Variants in LHX8 observed in about 807,000 individuals in gnomAD.
The protein encoded by LHX8 is LIM homeobox 8.
LHX8 carries 12 observed loss-of-function variants against 40.3 expected under a neutral mutation model. The ratio of observed to expected loss-of-function variants is 0.30; its 90% CI spans 0.19 to 0.48. The LOEUF (loss-of-function observed/expected upper bound fraction) is 0.48. LHX8 is among the 20% of genes least tolerant of loss of function. LHX8 has a pLI of 0.99. For missense variants in LHX8, 344 were observed against 433.7 expected (o/e 0.79, Z 1.84); for synonymous variants, 179 against 162.0 (o/e 1.10, Z -0.80).
At chr1:75,134,174 A>G (rs1407124961), upstream of LHX8, among the ~76,000 whole-genome samples, 1 of 151,860 alleles carries the variant, frequency 6.6e-6, no homozygotes, top group Non-Finnish European at 1.5e-5. Flanking sequence ...GACATCCCCC[A>G]ATTTTTTTTT....
At chr1:75,143,643 A>G (rs962282739) in intron 5 of LHX8, among the ~76,000 whole-genome samples, 10 of 152,114 alleles carry the variant, frequency 6.6e-5, no homozygotes, top group Non-Finnish European at 1.5e-4. Context: ...AACTTTTTGA[A>G]CTTTTCACTA....
intron 8 of LHX8, 64 bp downstream of exon 8, chr1:75,157,140 A>G: frequency 6.6e-7 from 1 of 1,509,430 alleles, no homozygotes; most frequent in Non-Finnish European, 9.2e-7. Context: ...TTCTAATATT[A>G]GATTATTGAT....
chr1:75,193,569 C>A, the LHX8 span, among the ~76,000 whole-genome samples: 1 of 152,180 alleles, frequency 6.6e-6, no homozygotes, highest in African/African-American at 2.4e-5. Flanking sequence ...CCGTTTTAAT[C>A]TAATTTTCGG....
chr1:75,157,551 G>A (rs1460492521), intron 8 of LHX8, among the ~76,000 whole-genome samples: 3 of 152,196 alleles, frequency 2.0e-5, no homozygotes, highest in Admixed American at 1.3e-4. Flanking sequence ...ATTGCCCAAA[G>A]TAGCAGATAT....
chr1:75,154,752 G>C (rs1648710474), intron 7 of LHX8, among the ~76,000 whole-genome samples: 1 of 152,164 alleles, frequency 6.6e-6, no homozygotes, highest in Admixed American at 6.5e-5. Context: ...CCAGAGAACA[G>C]GGATGTGGAG....
chr1:75,172,403 A>G, the LHX8 span, among the ~76,000 whole-genome samples: 2 of 152,222 alleles, frequency 1.3e-5, no homozygotes, highest in Non-Finnish European at 2.9e-5. Context: ...TTGTCCATCA[A>G]AAGTCTTTTG....
chr1:75,175,221 G>A, the LHX8 span, among the ~76,000 whole-genome samples: 2 of 152,190 alleles, frequency 1.3e-5, no homozygotes, highest in Non-Finnish European at 2.9e-5. Flanking sequence ...TGGGCATTAA[G>A]GCCGGTTCCA....
intron 5 of LHX8, among the ~76,000 whole-genome samples, chr1:75,143,609 G>C (rs1489838252): frequency 6.6e-6 from 1 of 152,110 alleles, no homozygotes; most frequent in African/African-American, 2.4e-5. Flanking sequence ...TCCTGTATTT[G>C]CTGGGCCTTA....
chr1:75,156,666 A>G (rs1185071033), intron 7 of LHX8, among the ~76,000 whole-genome samples: 1 of 152,242 alleles, frequency 6.6e-6, no homozygotes, highest in African/African-American at 2.4e-5. Context: ...ATTGGCTTTT[A>G]GGTAAATCAC....
In LHX8 at chr1:75,148,571, A is replaced by G. The variant is rs1176200105; in HGVS notation, c.685-16A>G. 3 of 1,584,914 alleles carry G rather than the reference A, an allele frequency of 1.9e-6. No individual in the cohort carries two copies. The highest frequency in any genetic ancestry group is 2.6e-6 in the Non-Finnish European group (3 of 1,153,736). Reference sequence around the variant, plus strand: ...TTGTTTTTAGCTATTTACTACATACATGTTTTAAACAACAGGTTATGCAAG... The same window carrying G: ...TTGTTTTTAGCTATTTACTACATACGTGTTTTAAACAACAGGTTATGCAAG... On this transcript the variant is annotated splice_polypyrimidine_tract_variant and intron_variant, in intron 6 of 8. Transcript: ENST00000356261.
chr1:75,156,775 TA>T lies in LHX8; in HGVS notation c.781-117del, dbSNP rs1191370041. On this transcript the variant is annotated intron_variant, in intron 7 of 8. Transcript: ENST00000356261. Reference sequence around the variant, plus strand: ...ACTTTTATAAAAGCTGAGTTACATTTATGCGGTGCTTGTGTGGTAGTGTGAT... The same window carrying T: ...ACTTTTATAAAAGCTGAGTTACATTTTGCGGTGCTTGTGTGGTAGTGTGAT... The T allele has an allele frequency of 1.4e-5, 13 of 905,642 alleles. No individual in the cohort carries two copies. The African/African-American group carries it at 1.6e-4, about 11-fold the overall frequency. The allele number at this position is 905,642 out of a possible 1,614,324, so 56.1% of individuals were successfully genotyped here. A position where few individuals can be genotyped will look rare whatever the true frequency, so the allele number is the denominator to read the frequency against.
intron 6 of LHX8, among the ~76,000 whole-genome samples, chr1:75,146,787 C>G (rs1047151100): frequency 5.9e-5 from 9 of 152,076 alleles, no homozygotes; most frequent in African/African-American, 9.7e-5. Flanking sequence ...TAGAATATTT[C>G]AATTCTAAAT....
At chr1:75,178,294 A>C in the LHX8 span, among the ~76,000 whole-genome samples, 1 of 152,220 alleles carries the variant, frequency 6.6e-6, no homozygotes, top group Non-Finnish European at 1.5e-5. Context: ...CTGTGAATCC[A>C]TCTGGTCCTG....
At chr1:75,190,255 T>G in the LHX8 span, among the ~76,000 whole-genome samples, 2 of 152,196 alleles carry the variant, frequency 1.3e-5, no homozygotes, top group African/African-American at 4.8e-5. Context: ...ACTTTTTTCT[T>G]TATAACCTAA....
intron 1 of LHX8, among the ~76,000 whole-genome samples, chr1:75,129,140 C>T (rs543667133): frequency 7.4e-4 from 113 of 152,334 alleles, no homozygotes; most frequent in African/African-American, 2.6e-3. Context: ...GTGATGCCAT[C>T]TTCATTTTAC....
intron 7 of LHX8, among the ~76,000 whole-genome samples, chr1:75,154,217 G>A (rs557548641): frequency 4.6e-5 from 7 of 152,202 alleles, no homozygotes; most frequent in African/African-American, 1.7e-4. Flanking sequence ...ATTTCCTGAT[G>A]TCTGGAATCT....
At chr1:75,131,711 A>G (rs954905412), upstream of LHX8, 9 of 152,244 alleles carry the variant, frequency 5.9e-5, no homozygotes, top group Non-Finnish European at 1.2e-4. Context: ...CGGGATCTAG[A>G]CCCCTTCCCT....
At chr1:75,178,796 T>G in the LHX8 span, among the ~76,000 whole-genome samples, 1 of 152,226 alleles carries the variant, frequency 6.6e-6, no homozygotes, top group Non-Finnish European at 1.5e-5. Flanking sequence ...TCTTGCTTTC[T>G]CTTGTGGGCA....
chr1:75,179,499 G>GTTTTTT, the LHX8 span, among the ~76,000 whole-genome samples: 7 of 107,170 alleles, frequency 6.5e-5, no homozygotes, highest in South Asian at 6.2e-4. Flanking sequence ...TGCAACCCCT[G>GTTTTTT]TTGTTTTTTT....
Sources: gnomAD v4.1 joint callset for allele counts (sites outside exome capture counted in the v4.1 genomes callset) on GRCh38, gnomAD v4.1.1 for gene constraint, MANE v1.5 for transcripts, NCBI Gene and HGNC (gene_info 2026-07-23, HGNC 2026-07-21) for gene names.